The following FERMT2 variants were observed in gnomAD, a reference collection of about 807,000 sequenced individuals.
FERMT2 encodes the protein FERM domain containing kindlin 2, also known as fermitin family homolog 2.
Under a neutral mutation model 82.7 loss-of-function variants are expected in FERMT2, and 15 were observed. The ratio of observed to expected loss-of-function variants is 0.18; its 90% CI spans 0.12 to 0.28. The LOEUF is 0.28. Ranked by LOEUF, FERMT2 falls within the 10% of genes least tolerant of loss-of-function variation. The probability of loss-of-function intolerance (pLI) is 1.00; values close to 1 mark genes in which losing one functional copy is unlikely to be tolerated. For missense variants in FERMT2, 645 were observed against 809.4 expected (o/e 0.80, Z 2.46); for synonymous variants, 274 against 271.5 (o/e 1.01, Z -0.09).
intron 12 of FERMT2, chr14:52,861,081 A>C: frequency 1.4e-6 from 2 of 1,477,530 alleles, no homozygotes; most frequent in Non-Finnish European, 1.8e-6. Flanking sequence ...GAAAGAAAAA[A>C]AAAGGCAATC....
chr14:52,881,095 C>T lies in FERMT2; in HGVS notation c.796G>A (p.Glu266Lys). 2 of 1,613,676 alleles carry T rather than the reference C, an allele frequency of 1.2e-6. No individual in the cohort carries two copies. The highest frequency in any genetic ancestry group is 1.6e-4 in the Middle Eastern group (1 of 6,062). The change falls in exon 6 of 15, where the codon GAA becomes AAA. Residue 266 changes from glutamate (E) to lysine (K), a missense_variant. Glu to Lys is a moderately conservative substitution (Grantham distance 56, BLOSUM62 1). Coordinates refer to ENST00000341590, the MANE Select transcript of FERMT2 (RefSeq NM_006832.3). ...AATCGGAGCAGCAAGGCCTCATTTT[C>T]CTTCACATCTTGTTCCATGAGAGAT... The part of the protein sequence containing the change: ...SRSLMEQDVK[E>K]NEALLLRFKY...
chr14:52,938,570 A>G (rs1417125827), intron 2 of FERMT2, among the ~76,000 whole-genome samples: 1 of 152,064 alleles, frequency 6.6e-6, no homozygotes, highest in Non-Finnish European at 1.5e-5. Context: ...AACAAAGTTC[A>G]CTTAGTTTTT....
intron 10 of FERMT2, among the ~76,000 whole-genome samples, chr14:52,871,269 T>A (rs957056764): frequency 6.6e-6 from 1 of 152,238 alleles, no homozygotes; most frequent in Non-Finnish European, 1.5e-5. Flanking sequence ...TTTAGTTTTT[T>A]AGTCTTTGCT....
intron 7 of FERMT2, 24 bp from the exon 8 acceptor site, chr14:52,875,381 AAAT>A (rs1484237864): frequency 6.6e-7 from 1 of 1,516,156 alleles, no homozygotes; most frequent in East Asian, 2.3e-5. Flanking sequence ...TATTTTATTA[AAAT>A]AATTGCTATA....
At chr14:52,908,300 T>C (rs560942607) in intron 3 of FERMT2, among the ~76,000 whole-genome samples, 2 of 152,206 alleles carry the variant, frequency 1.3e-5, no homozygotes, top group Non-Finnish European at 2.9e-5. Flanking sequence ...CATCCACTTA[T>C]CATATGACCC....
At chr14:52,875,730 T>C (rs1220650976) in intron 7 of FERMT2, among the ~76,000 whole-genome samples, 1 of 152,086 alleles carries the variant, frequency 6.6e-6, no homozygotes, top group Non-Finnish European at 1.5e-5. Context: ...TGAATGAACA[T>C]ACAGAATATG....
chr14:52,872,913 G>C lies in FERMT2; in HGVS notation c.1159C>G (p.Leu387Val). Residue 387 changes from leucine (L) to valine (V), a missense_variant, in exon 10 of 15, where the codon CTG becomes GTG. By Grantham distance (32) the Leu-to-Val change is conservative. Transcript: ENST00000341590. ...TATTGTTTGTAACCTTTCAGAGTCA[G>C]CTTTTTTGGCCTATGTATCAAAGAG... ...DYIKVFKPKK[L>V]TLKGYKQYWC... The C allele has an allele frequency of 6.2e-7, 1 of 1,613,604 alleles. No homozygotes were observed. The highest frequency in any genetic ancestry group is 8.5e-7 in the Non-Finnish European group (1 of 1,179,726).
intron 2 of FERMT2, among the ~76,000 whole-genome samples, chr14:52,941,720 T>A (rs1890098943): frequency 6.6e-6 from 1 of 152,262 alleles, no homozygotes; most frequent in African/African-American, 2.4e-5. Context: ...TTAGCTTTTT[T>A]CTGAAACTAC....
At chr14:52,920,391 T>G (rs4901313) in intron 2 of FERMT2, among the ~76,000 whole-genome samples, 121,336 of 152,106 alleles carry the variant, frequency 0.8, 48,687 homozygotes, top group East Asian at 1. Flanking sequence ...AGAACTTTGG[T>G]AGGCTGAGGC....
intron 2 of FERMT2, among the ~76,000 whole-genome samples, chr14:52,935,082 G>A (rs1172026995): frequency 2.6e-5 from 4 of 152,140 alleles, no homozygotes; most frequent in Admixed American, 6.5e-5. Flanking sequence ...AAGTATGGTG[G>A]CAACTAAAAT....
At chr14:52,899,341 GCCACA>G (rs1887483834) in intron 3 of FERMT2, among the ~76,000 whole-genome samples, 1 of 152,110 alleles carries the variant, frequency 6.6e-6, no homozygotes, top group African/African-American at 2.4e-5. Context: ...GGAGTGCAGT[GCCACA>G]ATCTCAGCTC....
intron 3 of FERMT2, among the ~76,000 whole-genome samples, chr14:52,903,627 A>C (rs1887806623): frequency 2.0e-5 from 3 of 152,218 alleles, no homozygotes; most frequent in Admixed American, 2.0e-4. Context: ...AGATAATTTA[A>C]CAATGACTTC....
chr14:52,881,502 ATGCAG>A (rs1362587189), intron 4 of FERMT2, 33 bp from the exon 5 acceptor site: 1 of 1,416,724 alleles, frequency 7.1e-7, no homozygotes, highest in Non-Finnish European at 1.0e-6. Context: ...GGTAGTAAGT[ATGCAG>A]TACAGCATCT....
chr14:52,872,356 G>A (rs1379292847), intron 10 of FERMT2: 1 of 158,366 alleles, frequency 6.3e-6, no homozygotes, highest in Admixed American at 6.3e-5. Flanking sequence ...CGGAGTTCGA[G>A]ACCAGTCTGG....
chr14:52,926,299 T>C (rs1369210524), intron 2 of FERMT2, among the ~76,000 whole-genome samples: 2 of 152,198 alleles, frequency 1.3e-5, no homozygotes, highest in Admixed American at 1.3e-4. Flanking sequence ...AAACTTTCCA[T>C]ACAGGAACTC....
intron 6 of FERMT2, among the ~76,000 whole-genome samples, chr14:52,879,691 A>T (rs188897221): frequency 6.6e-6 from 1 of 152,184 alleles, no homozygotes; most frequent in African/African-American, 2.4e-5. Flanking sequence ...GCATATAATA[A>T]AAGAATGTAA....
intron 9 of FERMT2, 97 bp from the exon 10 acceptor site, chr14:52,873,020 C>A: frequency 1.7e-6 from 2 of 1,174,232 alleles, no homozygotes; most frequent in Non-Finnish European, 2.4e-6. Context: ...AGTCTGGGGT[C>A]AAGTTTTACA....
chr14:52,903,051 T>G (rs1368585487), intron 3 of FERMT2, among the ~76,000 whole-genome samples: 1 of 150,938 alleles, frequency 6.6e-6, no homozygotes, highest in Admixed American at 6.6e-5. Flanking sequence ...GAAATAATAT[T>G]ATGAAACAAC....
chr14:52,908,424 C>T (rs1888137145), intron 3 of FERMT2, among the ~76,000 whole-genome samples: 1 of 152,110 alleles, frequency 6.6e-6, no homozygotes, highest in Admixed American at 6.5e-5. Context: ...AGCCCTTCGA[C>T]TGGTGAATGG....
Sources: gnomAD v4.1 joint callset for allele counts (sites outside exome capture counted in the v4.1 genomes callset) on GRCh38, gnomAD v4.1.1 for gene constraint, MANE v1.5 for transcripts, NCBI Gene and HGNC (gene_info 2026-07-23, HGNC 2026-07-21) for gene names.